Variants in INSYN2A observed in about 807,000 individuals in gnomAD.
INSYN2A encodes the protein family with sequence similarity 196 member A.
INSYN2A carries 17 observed loss-of-function variants against 39.4 expected under a neutral mutation model. The ratio of observed to expected loss-of-function variants is 0.43; its 90% confidence interval spans 0.30 to 0.65. INSYN2A has a LOEUF of 0.65. INSYN2A is among the 30% of genes least tolerant of loss of function. INSYN2A has a pLI of 0.14. For synonymous variants in INSYN2A, 255 were observed against 265.7 expected, an observed-to-expected ratio of 0.96 and a Z score of 0.39; for missense variants, 595 against 631.2, an observed-to-expected ratio of 0.94 and a Z score of 0.61.
In INSYN2A at chr10:127,187,962, G is replaced by A. The variant is rs548191498; in HGVS notation, c.-269+4643C>T. Among the ~76,000 whole-genome samples the A allele has an allele frequency of 2.0e-5, 3 of 152,210 alleles. No homozygotes were observed. The South Asian group carries it at 6.2e-4, about 32-fold the overall frequency. ...TCTTCCTTTATCTTTTTCACCCTTT[G>A]TTGTCTTCTATTTCCTGCTGTATCT... is the stretch of plus-strand genomic sequence containing the variant. On this transcript the variant is annotated intron_variant, in intron 2 of 5. Transcript: ENST00000522781.
chr10:127,159,148 T>C (rs888705678), intron 4 of INSYN2A, among the ~76,000 whole-genome samples: 49 of 152,238 alleles, frequency 3.2e-4, no homozygotes, highest in Non-Finnish European at 6.9e-4. Flanking sequence ...AGAAGGGATC[T>C]GGACAAGCCA....
intron 4 of INSYN2A, among the ~76,000 whole-genome samples, chr10:127,173,290 G>A (rs926455200): frequency 9.9e-5 from 15 of 152,090 alleles, no homozygotes; most frequent in African/African-American, 3.6e-4. Context: ...GAAGAAAGAA[G>A]GCACAGAGAC....
At chr10:127,184,418 C>T (rs1190897338) in intron 2 of INSYN2A, among the ~76,000 whole-genome samples, 1 of 150,974 alleles carries the variant, frequency 6.6e-6, no homozygotes, top group Non-Finnish European at 1.5e-5. Flanking sequence ...TAGTTCCACA[C>T]TGTTCCCACC....
chr10:127,183,619 C>G (rs1423938234), intron 2 of INSYN2A, among the ~76,000 whole-genome samples: 1 of 152,176 alleles, frequency 6.6e-6, no homozygotes, highest in Admixed American at 6.5e-5. Context: ...GTAATCTTCT[C>G]GGCCCTCATA....
At chr10:127,142,793 A>C (rs1447571387) in intron 5 of INSYN2A, among the ~76,000 whole-genome samples, 1 of 152,204 alleles carries the variant, frequency 6.6e-6, no homozygotes, top group African/African-American at 2.4e-5. Flanking sequence ...TGCTCTTGGC[A>C]AGTCCCTGTG....
intron 2 of INSYN2A, among the ~76,000 whole-genome samples, chr10:127,177,468 G>C (rs1187819406): frequency 6.6e-6 from 1 of 152,372 alleles, no homozygotes; most frequent in Non-Finnish European, 1.5e-5. Context: ...AGAGTTAAGT[G>C]TGTTGTTTGT....
At chr10:127,168,151 G>T (rs2054248890) in intron 4 of INSYN2A, among the ~76,000 whole-genome samples, 1 of 152,182 alleles carries the variant, frequency 6.6e-6, no homozygotes, top group Non-Finnish European at 1.5e-5. Flanking sequence ...GACCTGCAGA[G>T]TGGAGAGCCT....
At chr10:127,190,787 A>G (rs2134095910) in intron 2 of INSYN2A, among the ~76,000 whole-genome samples, 1 of 149,434 alleles carries the variant, frequency 6.7e-6, no homozygotes, top group African/African-American at 2.5e-5. Context: ...CCACATTACA[A>G]AGACTTGTCT....
intron 4 of INSYN2A, among the ~76,000 whole-genome samples, chr10:127,168,639 G>A (rs1254714582): frequency 6.6e-6 from 1 of 152,202 alleles, no homozygotes; most frequent in Non-Finnish European, 1.5e-5. Flanking sequence ...TCTCTATTAA[G>A]TGGGTAGGTT....
At chr10:127,153,401 C>G (rs368264124) in intron 5 of INSYN2A, among the ~76,000 whole-genome samples, 1 of 152,142 alleles carries the variant, frequency 6.6e-6, no homozygotes, top group Non-Finnish European at 1.5e-5. Flanking sequence ...GACAGGCAGG[C>G]AGCACAATCC....
At chr10:127,187,494 T>C (rs931560342) in intron 2 of INSYN2A, among the ~76,000 whole-genome samples, 1 of 152,178 alleles carries the variant, frequency 6.6e-6, no homozygotes, top group Non-Finnish European at 1.5e-5. Flanking sequence ...AGAGCATAGG[T>C]GTGGATGAAA....
At chr10:127,167,717 G>T (rs746771684) in intron 4 of INSYN2A, among the ~76,000 whole-genome samples, 1 of 151,974 alleles carries the variant, frequency 6.6e-6, no homozygotes, top group African/African-American at 2.4e-5. Context: ...CGCTACATCA[G>T]CTCCCCTGCC....
intron 5 of INSYN2A, among the ~76,000 whole-genome samples, chr10:127,152,418 A>G (rs2483850): frequency 0.72 from 108,675 of 151,882 alleles, 43,579 homozygotes; most frequent in South Asian, 0.89. Context: ...CTCACTGGCA[A>G]TTGCCAAGAA....
chr10:127,187,736 AAGAAAGAAAGAG>A (rs200687848), intron 2 of INSYN2A, among the ~76,000 whole-genome samples: 10 of 99,972 alleles, frequency 1.0e-4, no homozygotes, highest in East Asian at 4.6e-4. Flanking sequence ...GAGAGAAAGA[AAGAAAGAAAGAG>A]AGAAAGAGAG....
At chr10:127,173,004 G>A (rs183047915) in intron 4 of INSYN2A, among the ~76,000 whole-genome samples, 1 of 152,304 alleles carries the variant, frequency 6.6e-6, no homozygotes, top group East Asian at 1.9e-4. Context: ...CACTGTATTG[G>A]ATAGAGCAGC....
At chr10:127,145,923 AG>A in intron 5 of INSYN2A, 1 of 495,294 alleles carries the variant, frequency 2.0e-6, no homozygotes, top group South Asian at 1.5e-5. Context: ...TTCCTGCAGG[AG>A]GTCCCTTCTC....
In INSYN2A at chr10:127,175,584, G is replaced by C. The variant is rs1198064985; in HGVS notation, c.812C>G (p.Ser271Ter). The change falls in exon 4 of 6, where the codon TCA (serine) becomes TGA (stop). Residue 271 changes from serine to a stop codon, truncating the protein, a stop_gained. Transcript: ENST00000522781. LOFTEE classifies it high-confidence loss of function. This position sits in a 1 kb window ranked among gnomAD's most constrained non-coding sequence, Gnocchi z 6.3. Reference protein sequence around the residue: ...LSARAPEPGLSDSAAASQWSL... With the variant: ...LSARAPEPGL The stretch of plus-strand genomic sequence containing the variant: ...CCACTGGCTGGCGGCTGCAGAGTCT[G>C]ACAAACCAGGCTCGGGGGCCCTGGC... 6.2e-7 allele frequency: 1 copy of C among 1,612,222 alleles called. No homozygotes were observed. Among genetic ancestry groups the C allele is most frequent in the African/African-American group, 1.3e-5 (1 of 74,932 alleles).
chr10:127,140,507 C>T lies in INSYN2A; in HGVS notation c.1257-2487G>A, dbSNP rs1014899137. Among the ~76,000 whole-genome samples the T allele has an allele frequency of 5.9e-5, 9 of 152,290 alleles. 1 individual carries two copies. In the South Asian group the frequency reaches 8.3e-4, roughly 14 times the overall value. ...TGCAGTGGATCTGCGTGTGGGATGA[C>T]GCCCGTGCACCAGCCAGGCAACGTG... is the stretch of plus-strand genomic sequence containing the variant. On this transcript the variant is annotated intron_variant, in intron 5 of 5. Coordinates refer to ENST00000522781, the MANE Select transcript of INSYN2A (RefSeq NM_001039762.3).
At chr10:127,190,760 C>T (rs1454319929) in intron 2 of INSYN2A, among the ~76,000 whole-genome samples, 1 of 144,420 alleles carries the variant, frequency 6.9e-6, no homozygotes, top group Non-Finnish European at 1.5e-5. Flanking sequence ...CATCTTTAAT[C>T]CCTTCTTTCT....
Sources: gnomAD v4.1 joint callset for allele counts (sites outside exome capture counted in the v4.1 genomes callset) on GRCh38, gnomAD v4.1.1 for gene constraint, Gnocchi (gnomAD v3.1) non-coding constraint, MANE v1.5 for transcripts, NCBI Gene and HGNC (gene_info 2026-07-23, HGNC 2026-07-21) for gene names.